Variants in EXOC4 observed in about 807,000 individuals in gnomAD.
EXOC4 encodes exocyst complex component 4.
EXOC4 carries 71 observed loss-of-function variants against 107.2 expected under a neutral mutation model. The ratio of observed to expected loss-of-function variants is 0.66; its 90% CI spans 0.55 to 0.81. The LOEUF (loss-of-function observed/expected upper bound fraction) is 0.81, where lower values mean the gene tolerates loss of function less well. EXOC4 is among the 30% of genes least tolerant of loss of function. EXOC4 has a pLI of 0.00. For synonymous variants in EXOC4, 456 were observed against 441.2 expected, an observed-to-expected ratio of 1.03 and a Z score of -0.42; for missense variants, 1,108 against 1,189.6, an observed-to-expected ratio of 0.93 and a Z score of 1.01.
intron 9 of EXOC4, among the ~76,000 whole-genome samples, chr7:133,491,988 C>G (rs1484773433): frequency 6.6e-6 from 1 of 152,098 alleles, no homozygotes; most frequent in Non-Finnish European, 1.5e-5. Flanking sequence ...ACATGGAAGA[C>G]TGGTAGGCAG....
chr7:133,370,513 A>C (rs574140175), intron 6 of EXOC4, among the ~76,000 whole-genome samples: 1 of 152,256 alleles, frequency 6.6e-6, no homozygotes, highest in East Asian at 1.9e-4. Context: ...AATTAATCTC[A>C]GTGACCAGAG....
chr7:133,788,301 A>G (rs1796630659), intron 10 of EXOC4, among the ~76,000 whole-genome samples: 1 of 151,744 alleles, frequency 6.6e-6, no homozygotes, highest in East Asian at 2.0e-4. Flanking sequence ...CTCAACTCTC[A>G]GTTCATATAT....
chr7:133,596,386 A>G (rs1801675780), intron 9 of EXOC4, among the ~76,000 whole-genome samples: 1 of 152,252 alleles, frequency 6.6e-6, no homozygotes, highest in Admixed American at 6.5e-5. Flanking sequence ...CATATTTGCA[A>G]AATGAATTAA....
chr7:133,268,844 C>G (rs1177069209), intron 1 of EXOC4, among the ~76,000 whole-genome samples: 1 of 152,078 alleles, frequency 6.6e-6, no homozygotes, highest in East Asian at 1.9e-4. Context: ...TAAATTCCTT[C>G]CTGGGAATTA....
intron 10 of EXOC4, among the ~76,000 whole-genome samples, chr7:133,705,302 G>T (rs1448756126): frequency 1.3e-5 from 2 of 152,194 alleles, no homozygotes; most frequent in Non-Finnish European, 2.9e-5. Context: ...GGGAGACAGA[G>T]GTTGCAGCGA....
intron 7 of EXOC4, among the ~76,000 whole-genome samples, chr7:133,465,806 A>G (rs1461127007): frequency 2.0e-5 from 3 of 152,192 alleles, no homozygotes; most frequent in Non-Finnish European, 4.4e-5. Flanking sequence ...AGAAAGACCT[A>G]AATAATCATA....
At chr7:134,076,964 G>A in the EXOC4 span, among the ~76,000 whole-genome samples, 4 of 150,212 alleles carry the variant, frequency 2.7e-5, no homozygotes, top group Non-Finnish European at 4.4e-5. Context: ...GCATATGTGT[G>A]TGTGTGTGTA....
At chr7:133,691,820 G>A (rs1794427089) in intron 10 of EXOC4, among the ~76,000 whole-genome samples, 1 of 152,166 alleles carries the variant, frequency 6.6e-6, no homozygotes. Flanking sequence ...GTGAGGAAGA[G>A]CTTAGCACAT....
At chr7:133,393,902 C>T (rs1013137040) in intron 7 of EXOC4, among the ~76,000 whole-genome samples, 1 of 152,186 alleles carries the variant, frequency 6.6e-6, no homozygotes, top group Non-Finnish European at 1.5e-5. Flanking sequence ...ATTTAAAAAT[C>T]ATGTAGCAGA....
intron 3 of EXOC4, among the ~76,000 whole-genome samples, chr7:133,303,595 A>G (rs2150565086): frequency 6.6e-6 from 1 of 152,352 alleles, no homozygotes; most frequent in East Asian, 1.9e-4. Flanking sequence ...TTATAGCTTT[A>G]TAAATAGACT....
At chr7:133,454,596 C>G (rs768313239) in intron 7 of EXOC4, among the ~76,000 whole-genome samples, 1 of 152,238 alleles carries the variant, frequency 6.6e-6, no homozygotes, top group Non-Finnish European at 1.5e-5. Flanking sequence ...CACGCCTGAC[C>G]ACTGCCTTCA....
chr7:133,799,676 A>T (rs1484406502), intron 10 of EXOC4, among the ~76,000 whole-genome samples: 1 of 152,216 alleles, frequency 6.6e-6, no homozygotes, highest in Non-Finnish European at 1.5e-5. Context: ...TTAAAGATTC[A>T]TGAGATGGAA....
At position 133,884,259 on chromosome 7, in the gene EXOC4, G is replaced by A. The variant is rs562292452; in HGVS notation, c.1735-11340G>A. Among the ~76,000 whole-genome samples, 7 of 152,242 alleles carry A rather than the reference G, an allele frequency of 4.6e-5. No homozygotes were observed. In the South Asian group the frequency reaches 1.5e-3, roughly 32 times the overall value. On this transcript the variant is annotated intron_variant, in intron 11 of 17. Coordinates refer to ENST00000253861, the MANE Select transcript of EXOC4 (RefSeq NM_021807.4). ...ACATACAGGGGAGAGAGTCCAGTGG[G>A]GGCGGGCTGGGCAGGAAAACCGCAA...
intron 14 of EXOC4, among the ~76,000 whole-genome samples, chr7:133,968,225 C>T (rs1269008855): frequency 1.3e-5 from 2 of 152,042 alleles, no homozygotes; most frequent in African/African-American, 4.8e-5. Context: ...TATTTTGAGC[C>T]TATGTGTGTC....
chr7:133,294,856 G>C (rs1289601971), intron 3 of EXOC4, among the ~76,000 whole-genome samples: 1 of 151,970 alleles, frequency 6.6e-6, no homozygotes, highest in African/African-American at 2.4e-5. Flanking sequence ...TGTCAGCATG[G>C]GTCTTAATTT....
intron 7 of EXOC4, among the ~76,000 whole-genome samples, chr7:133,401,790 A>G (rs934638728): frequency 2.6e-5 from 4 of 152,030 alleles, no homozygotes; most frequent in Admixed American, 6.6e-5. Context: ...AAATCTTGAC[A>G]TAAGTTTACC....
chr7:133,593,319 C>T lies in EXOC4; in HGVS notation c.1418-36726C>T, dbSNP rs192427272. On this transcript the variant is annotated intron_variant, in intron 9 of 17. Coordinates refer to ENST00000253861, the MANE Select transcript of EXOC4 (RefSeq NM_021807.4). ...TCCTTGTTTTGGTTGTGGAGTCTGA[C>T]GTTTCTTCATTAGTTCTTGGTATCT... Among the ~76,000 whole-genome samples the T allele has an allele frequency of 3.9e-5, 6 of 152,276 alleles. No individual in the cohort carries two copies. In the East Asian group the frequency reaches 5.8e-4, roughly 15 times the overall value.
intron 7 of EXOC4, among the ~76,000 whole-genome samples, chr7:133,468,838 A>G (rs1026838311): frequency 2.0e-5 from 3 of 152,150 alleles, no homozygotes; most frequent in African/African-American, 7.2e-5. Context: ...TACAGTTATC[A>G]GCATAAGGAC....
chr7:133,467,094 A>G (rs1014130855), intron 7 of EXOC4, among the ~76,000 whole-genome samples: 2 of 152,148 alleles, frequency 1.3e-5, no homozygotes, highest in African/African-American at 4.8e-5. Context: ...ACGGGCGTAT[A>G]TTCCAAACAA....
Sources: allele counts gnomAD v4.1 joint callset (sites outside exome capture counted in the v4.1 genomes callset), GRCh38; gene constraint gnomAD v4.1.1; transcripts MANE v1.5; gene names NCBI Gene and HGNC (gene_info 2026-07-23, HGNC 2026-07-21).